The following RBM26 variants were observed in gnomAD, a reference collection of about 807,000 sequenced individuals.
RBM26 encodes RNA-binding protein 26.
In RBM26, 30 loss-of-function variants were observed where a neutral mutation model predicts 123.6. That is an observed-to-expected ratio of 0.24 (90% CI 0.18 to 0.33). The LOEUF is 0.33. Among genes scored for constraint, RBM26 ranks in the 10% least tolerant of loss-of-function variants. The pLI, the probability that RBM26 is intolerant of heterozygous loss-of-function variation, is 1.00. For missense variants in RBM26, 947 were observed against 1,203.6 expected (o/e 0.79, Z 3.15); for synonymous variants, 400 against 404.4 (o/e 0.99, Z 0.13).
intron 20 of RBM26, among the ~76,000 whole-genome samples, chr13:79,332,364 AAC>A (rs1158518424): frequency 6.6e-6 from 1 of 152,198 alleles, no homozygotes. Flanking sequence ...CTCTATGACA[AAC>A]ACACAAATTT....
intron 16 of RBM26, among the ~76,000 whole-genome samples, chr13:79,343,804 T>G (rs2071835131): frequency 6.6e-6 from 1 of 151,974 alleles, no homozygotes; most frequent in Non-Finnish European, 1.5e-5. Context: ...AGATCTAGTG[T>G]ATATTTTACA....
chr13:79,389,982 G>A (rs2077807135), intron 1 of RBM26, among the ~76,000 whole-genome samples: 1 of 152,028 alleles, frequency 6.6e-6, no homozygotes, highest in Non-Finnish European at 1.5e-5. Flanking sequence ...AGTTGTAGTA[G>A]CAACATATAA....
chr13:79,329,108 A>G (rs2068891350), intron 20 of RBM26, among the ~76,000 whole-genome samples: 1 of 152,224 alleles, frequency 6.6e-6, no homozygotes. Context: ...TGTTGGTGTC[A>G]GTGAGAAAGG....
chr13:79,394,882 C>A (rs994914718), intron 1 of RBM26, among the ~76,000 whole-genome samples: 4 of 152,204 alleles, frequency 2.6e-5, no homozygotes, highest in African/African-American at 9.6e-5. Context: ...GATCCGTCCA[C>A]CTTGGCCTCC....
At chr13:79,333,001 C>T (rs945142686) in intron 20 of RBM26, among the ~76,000 whole-genome samples, 6 of 152,022 alleles carry the variant, frequency 3.9e-5, no homozygotes, top group Non-Finnish European at 7.4e-5. Context: ...TTTTATAATA[C>T]CACTATTCCC....
intron 20 of RBM26, 49 bp from the exon 21 acceptor site, chr13:79,322,511 G>GA (rs1393690519): frequency 7.8e-7 from 1 of 1,282,896 alleles, no homozygotes; most frequent in Non-Finnish European, 1.1e-6. Context: ...AATTTCTGAA[G>GA]AAAAAAATAA....
At chr13:79,354,293 A>C (rs1165154039) in intron 13 of RBM26, 146 bp downstream of exon 13, 16 of 603,010 alleles carry the variant, frequency 2.7e-5, no homozygotes, top group Admixed American at 1.2e-4. Context: ...AAAAAAAAAA[A>C]AACAACCTTA....
At chr13:79,398,736 C>CGTAA (rs1392280387) in intron 1 of RBM26, among the ~76,000 whole-genome samples, 1 of 152,056 alleles carries the variant, frequency 6.6e-6, no homozygotes, top group Non-Finnish European at 1.5e-5. Context: ...TTAAGCTTTA[C>CGTAA]CTAAACTGAA....
intron 11 of RBM26, among the ~76,000 whole-genome samples, chr13:79,356,315 A>AGAGGCACTTCTTTGTAGTG (rs1477145246): frequency 8.5e-5 from 12 of 140,798 alleles, no homozygotes; most frequent in Non-Finnish European, 1.8e-4. Flanking sequence ...GCTACAAAGA[A>AGAGGCACTTCTTTGTAGTG]CCGTAATCAT....
chr13:79,315,989 C>T (rs1039553027), downstream of RBM26, among the ~76,000 whole-genome samples: 2 of 151,744 alleles, frequency 1.3e-5, no homozygotes, highest in Admixed American at 6.6e-5. Flanking sequence ...TTCCTGAGAT[C>T]TGGGAAAAGG....
chr13:79,316,348 C>T (rs752846619), downstream of RBM26, among the ~76,000 whole-genome samples: 6 of 151,620 alleles, frequency 4.0e-5, no homozygotes, highest in Non-Finnish European at 5.9e-5. Context: ...TTGCTTCATA[C>T]TCTAAAATAG....
chr13:79,344,317 T>C lies in RBM26; in HGVS notation c.2190A>G (p.Ala730=). The C allele has an allele frequency of 1.9e-6, 3 of 1,603,398 alleles. No homozygotes were observed. The highest frequency in any genetic ancestry group is 1.1e-5 in the South Asian group (1 of 90,800). ...TCCTTACATCCTGCTGAAGTTTCAA[T>C]GCCTCCTAGAATCAGGGATCAAAAA... ...NNEAQKKKQE[A]LKLQQDVRKR... The change falls in exon 16 of 22, where the codon GCA becomes GCG. Residue 730 remains alanine (A), a synonymous_variant. Coordinates refer to ENST00000438737, the MANE Select transcript of RBM26 (RefSeq NM_001366735.2).
intron 3 of RBM26, among the ~76,000 whole-genome samples, chr13:79,373,175 ATT>A (rs1467257807): frequency 9.1e-6 from 1 of 110,214 alleles, no homozygotes; most frequent in Admixed American, 1.2e-4. Flanking sequence ...ATTTATATAA[ATT>A]TTTATATAAA....
chr13:79,355,285 G>A lies in RBM26; in HGVS notation c.1789C>T (p.Arg597Cys). 6.2e-7 allele frequency: 1 copy of A among 1,613,882 alleles called. No individual in the cohort carries two copies. The highest frequency in any genetic ancestry group is 8.5e-7 in the Non-Finnish European group (1 of 1,179,788). Residue 597 changes from arginine (R) to cysteine (C), a missense_variant, in exon 12 of 22, where the codon CGC becomes TGC. Arg to Cys is a radical substitution (Grantham distance 180). Transcript: ENST00000438737. ...CTGTGCCAATAAACCTTAATAAAGCGATTGTTTAATACTGCTTCCGTACTT... is the reference window on the plus strand; with the variant it reads ...CTGTGCCAATAAACCTTAATAAAGCAATTGTTTAATACTGCTTCCGTACTT... ...ISSTEAVLNN[R>C]FIKVYWHREG...
At chr13:79,390,566 G>A (rs574140292) in intron 1 of RBM26, among the ~76,000 whole-genome samples, 1 of 152,266 alleles carries the variant, frequency 6.6e-6, no homozygotes, top group African/African-American at 2.4e-5. Flanking sequence ...CTTAAGATCT[G>A]TGCACTTGAT....
rs111251938 is a variant in RBM26 at position 79,371,936 on chromosome 13, TAAA to T, written c.328-9_328-7del. ...CGCTCTTCCTCCTTAGTGATCTGATTAAAAAAAAAAAAAAAAGTGTACAAGTTT... is the reference window on the plus strand; with the variant it reads ...CGCTCTTCCTCCTTAGTGATCTGATTAAAAAAAAAAAAAGTGTACAAGTTT... On this transcript the variant is annotated splice_polypyrimidine_tract_variant and splice_region_variant and intron_variant, in intron 3 of 21. Transcript: ENST00000438737. The T allele has an allele frequency of 1.1e-3, 1,368 of 1,294,946 alleles. No homozygotes were observed. The highest frequency in any genetic ancestry group is 1.2e-3 in the Non-Finnish European group (1,162 of 937,614). 80.2% of individuals were successfully genotyped at this position (1,294,946 alleles called of 1,614,324 possible). A position where few individuals can be genotyped will look rare whatever the true frequency, so the allele number is the denominator to read the frequency against.
In RBM26 at chr13:79,379,305, G is replaced by A. The variant is rs147383231; in HGVS notation, c.72-398C>T. 1.2e-3 allele frequency among the ~76,000 whole-genome samples: 183 copies of A among 150,796 alleles called. 2 individuals carry two copies. The East Asian group carries it at 0.027, about 23-fold the overall frequency. On this transcript the variant is annotated intron_variant, in intron 1 of 21. Transcript: ENST00000438737. ...TGACAGCACCTTGGGAGACCTAGGC[G>A]GGCAGATCGCTTGAGCCCAGGAGTT...
chr13:79,342,651 T>C lies in RBM26; in HGVS notation c.2427+13A>G. The C allele has an allele frequency of 1.2e-5, 17 of 1,437,038 alleles. No individual in the cohort carries two copies. The highest frequency in any genetic ancestry group is 2.4e-5 in the South Asian group (2 of 82,948). The allele number at this position is 1,437,038 out of a possible 1,614,324, so 89.0% of individuals were successfully genotyped here. On this transcript the variant is annotated intron_variant, in intron 17 of 21. Coordinates refer to ENST00000438737, the MANE Select transcript of RBM26 (RefSeq NM_001366735.2). ...TAATAAGTAATAATATGAACAACAATGAAATTAAATACCTGAGTCTTGGTT... is the reference window on the plus strand; with the variant it reads ...TAATAAGTAATAATATGAACAACAACGAAATTAAATACCTGAGTCTTGGTT...
intron 20 of RBM26, among the ~76,000 whole-genome samples, chr13:79,331,036 G>A (rs2069221085): frequency 7.2e-6 from 1 of 139,260 alleles, no homozygotes; most frequent in African/African-American, 2.6e-5. Context: ...GCTAAGATAG[G>A]GTCTGGCTCT....
Sources: allele counts gnomAD v4.1 joint callset (sites outside exome capture counted in the v4.1 genomes callset), GRCh38; gene constraint gnomAD v4.1.1; transcripts MANE v1.5; gene names NCBI Gene and HGNC (gene_info 2026-07-23, HGNC 2026-07-21).